Variants in CDKAL1 observed in about 807,000 individuals in gnomAD.
The protein encoded by CDKAL1 is threonylcarbamoyladenosine tRNA methylthiotransferase.
In CDKAL1, 32 loss-of-function variants were observed where a neutral mutation model predicts 68.2. The observed-to-expected ratio is 0.47, with a 90% confidence interval of 0.35 to 0.63. The LOEUF (loss-of-function observed/expected upper bound fraction) is 0.63. Ranked by LOEUF, CDKAL1 falls within the 30% of genes least tolerant of loss-of-function variation. The pLI is 0.00. For missense variants in CDKAL1, 606 were observed against 696.7 expected (o/e 0.87, Z 1.47); for synonymous variants, 234 against 244.3 (o/e 0.96, Z 0.39).
chr6:20,891,916 T>C (rs896812865), intron 9 of CDKAL1, among the ~76,000 whole-genome samples: 1 of 152,234 alleles, frequency 6.6e-6, no homozygotes, highest in South Asian at 2.1e-4. Context: ...TTTAGTCTTA[T>C]CTACGGAGTT....
intron 13 of CDKAL1, among the ~76,000 whole-genome samples, chr6:21,192,054 G>T (rs1220684298): frequency 1.0e-5 from 1 of 99,012 alleles, no homozygotes; most frequent in African/African-American, 3.9e-5. Flanking sequence ...TCGCTCTGTC[G>T]CCCAGGCCGG....
intron 9 of CDKAL1, among the ~76,000 whole-genome samples, chr6:20,851,020 GT>G (rs5874789): frequency 0.74 from 111,950 of 150,544 alleles, 41,609 homozygotes; most frequent in Non-Finnish European, 0.76. Context: ...GTTTTCTGGC[GT>G]TTTTTTTTTC....
chr6:20,758,723 C>A, intron 7 of CDKAL1, 80 bp downstream of exon 7: 1 of 967,294 alleles, frequency 1.0e-6, no homozygotes, highest in Non-Finnish European at 1.6e-6. Context: ...TAACTCTTGC[C>A]AGGCACCTTT....
At chr6:20,792,259 G>A (rs1169544410) in intron 8 of CDKAL1, among the ~76,000 whole-genome samples, 1 of 152,124 alleles carries the variant, frequency 6.6e-6, no homozygotes, top group Non-Finnish European at 1.5e-5. Flanking sequence ...TACTTTATCT[G>A]ATGAAACAGT....
At chr6:21,221,363 G>C (rs1582443499) in intron 15 of CDKAL1, among the ~76,000 whole-genome samples, 1 of 151,746 alleles carries the variant, frequency 6.6e-6, no homozygotes. Flanking sequence ...CGAGTAGCTG[G>C]GACTACAAGC....
intron 13 of CDKAL1, among the ~76,000 whole-genome samples, chr6:21,153,407 G>A (rs1168053294): frequency 6.6e-6 from 1 of 152,002 alleles, no homozygotes; most frequent in Non-Finnish European, 1.5e-5. Context: ...GAACATATGT[G>A]ACATTCATTC....
intron 9 of CDKAL1, among the ~76,000 whole-genome samples, chr6:20,950,713 C>G (rs1327072637): frequency 2.0e-5 from 3 of 152,006 alleles, no homozygotes; most frequent in African/African-American, 7.2e-5. Flanking sequence ...TGCCGGTAAT[C>G]CCAGCACTTC....
intron 9 of CDKAL1, among the ~76,000 whole-genome samples, chr6:20,862,660 T>TGCGCGCGCGC (rs372549461): frequency 6.8e-6 from 1 of 147,222 alleles, no homozygotes; most frequent in African/African-American, 2.5e-5. Flanking sequence ...TGTGTGTGTG[T>TGCGCGCGCGC]GTGCGCGCGT....
intron 13 of CDKAL1, among the ~76,000 whole-genome samples, chr6:21,122,056 T>C (rs1019310313): frequency 6.6e-6 from 1 of 152,180 alleles, no homozygotes; most frequent in African/African-American, 2.4e-5. Context: ...AGTTTAAACA[T>C]TTAAAAACCT....
At chr6:21,223,258 G>T (rs1178196424) in intron 15 of CDKAL1, among the ~76,000 whole-genome samples, 1 of 152,146 alleles carries the variant, frequency 6.6e-6, no homozygotes, top group South Asian at 2.1e-4. Flanking sequence ...TTGCTGTGGG[G>T]CTGTACTTAG....
chr6:21,126,218 G>A (rs1251226507), intron 13 of CDKAL1, among the ~76,000 whole-genome samples: 1 of 152,156 alleles, frequency 6.6e-6, no homozygotes, highest in East Asian at 1.9e-4. Flanking sequence ...ACATTTAAGT[G>A]AAATTAAGGG....
At chr6:20,761,034 A>G (rs1195263543) in intron 7 of CDKAL1, among the ~76,000 whole-genome samples, 5 of 152,222 alleles carry the variant, frequency 3.3e-5, no homozygotes, top group Admixed American at 3.3e-4. Flanking sequence ...TATCCAAAAT[A>G]TATGAAGACC....
At chr6:20,708,006 GAAA>G (rs1771680692) in intron 5 of CDKAL1, among the ~76,000 whole-genome samples, 1 of 152,158 alleles carries the variant, frequency 6.6e-6, no homozygotes, top group African/African-American at 2.4e-5. Flanking sequence ...ATAAGAGTAG[GAAA>G]AGCACTTAAT....
At chr6:20,845,692 A>G (rs1204301148) in intron 8 of CDKAL1, among the ~76,000 whole-genome samples, 1 of 152,208 alleles carries the variant, frequency 6.6e-6, no homozygotes. Context: ...TAGTGTGTAT[A>G]AGGAATACCA....
intron 9 of CDKAL1, among the ~76,000 whole-genome samples, chr6:20,939,167 G>T (rs1401289266): frequency 6.6e-6 from 1 of 152,144 alleles, no homozygotes; most frequent in Non-Finnish European, 1.5e-5. Context: ...TGGGGGTGGG[G>T]TGGAGAGGCA....
At chr6:20,820,141 G>C (rs1341434939) in intron 8 of CDKAL1, among the ~76,000 whole-genome samples, 1 of 152,138 alleles carries the variant, frequency 6.6e-6, no homozygotes, top group Non-Finnish European at 1.5e-5. Context: ...GGAGGGTCAT[G>C]GGCCTCAAAG....
At chr6:20,766,090 A>G (rs1329893127) in intron 7 of CDKAL1, among the ~76,000 whole-genome samples, 1 of 152,182 alleles carries the variant, frequency 6.6e-6, no homozygotes, top group South Asian at 2.1e-4. Flanking sequence ...CTGCTGCTTT[A>G]TGGTGGCTTC....
chr6:21,057,023 G>A (rs983597953), intron 11 of CDKAL1, among the ~76,000 whole-genome samples: 1 of 152,164 alleles, frequency 6.6e-6, no homozygotes, highest in African/African-American at 2.4e-5. Flanking sequence ...GTATCAGGAT[G>A]ATGCTGGCCT....
intron 4 of CDKAL1, among the ~76,000 whole-genome samples, chr6:20,572,653 T>G (rs1357539635): frequency 6.6e-6 from 1 of 152,168 alleles, no homozygotes; most frequent in Non-Finnish European, 1.5e-5. Context: ...CCAGTGCTGT[T>G]TTTGTTCCTT....
Sources: gnomAD v4.1 joint callset for allele counts (sites outside exome capture counted in the v4.1 genomes callset) on GRCh38, gnomAD v4.1.1 for gene constraint, MANE v1.5 for transcripts, NCBI Gene and HGNC (gene_info 2026-07-23, HGNC 2026-07-21) for gene names.